LARGE1: variants seen among roughly 807,000 people sequenced by gnomAD.
LARGE1 encodes the protein LARGE xylosyl- and glucuronyltransferase 1, also known as xylosyl- and glucuronyltransferase LARGE1.
Under a neutral mutation model 87.6 loss-of-function variants are expected in LARGE1, and 43 were observed. The ratio of observed to expected loss-of-function variants is 0.49; its 90% confidence interval spans 0.38 to 0.63. The LOEUF is 0.63. LARGE1 is among the 30% of genes least tolerant of loss of function. LARGE1 has a pLI of 0.00. For synonymous variants in LARGE1, 434 were observed against 394.6 expected (o/e 1.10, Z -1.18); for missense variants, 802 against 1,000.2 (o/e 0.80, Z 2.67).
intron 6 of LARGE1, among the ~76,000 whole-genome samples, chr22:33,513,831 A>G (rs1459025659): frequency 6.6e-6 from 1 of 151,800 alleles, no homozygotes; most frequent in African/African-American, 2.4e-5. Flanking sequence ...ACACACACAC[A>G]CACACACACA....
At chr22:33,848,898 G>A (rs4334577) in intron 1 of LARGE1, among the ~76,000 whole-genome samples, 8 of 152,002 alleles carry the variant, frequency 5.3e-5, no homozygotes, top group Admixed American at 2.0e-4. Context: ...TTAAAGAATC[G>A]AAAAGGCTAA....
intron 10 of LARGE1, among the ~76,000 whole-genome samples, chr22:33,319,044 T>A (rs1402941256): frequency 6.6e-6 from 1 of 152,194 alleles, no homozygotes; most frequent in Non-Finnish European, 1.5e-5. Flanking sequence ...TCAAGATGTG[T>A]GCTATGGAAG....
chr22:33,382,722 A>G (rs779792534), intron 8 of LARGE1, among the ~76,000 whole-genome samples: 3 of 152,192 alleles, frequency 2.0e-5, no homozygotes, highest in Non-Finnish European at 4.4e-5. Context: ...CCTTCGTGGC[A>G]GAAGATGGCT....
chr22:33,783,653 G>C (rs2085504286), intron 1 of LARGE1, among the ~76,000 whole-genome samples: 1 of 152,198 alleles, frequency 6.6e-6, no homozygotes, highest in Non-Finnish European at 1.5e-5. Context: ...GCAGTGTTTT[G>C]TTGTTATTGT....
intron 1 of LARGE1, among the ~76,000 whole-genome samples, chr22:33,886,020 A>G (rs1215094583): frequency 6.6e-6 from 1 of 151,114 alleles, no homozygotes; most frequent in East Asian, 1.9e-4. Flanking sequence ...ACAGAGTGAG[A>G]CTCTGGTCAA....
the LARGE1 span, among the ~76,000 whole-genome samples, chr22:33,151,940 A>C: frequency 2.1e-5 from 2 of 97,212 alleles, no homozygotes; most frequent in Non-Finnish European, 4.0e-5. Context: ...TGTTGGCCTC[A>C]AAAAAAAAAA....
intron 11 of LARGE1, among the ~76,000 whole-genome samples, chr22:33,177,218 T>C (rs549402742): frequency 3.9e-5 from 6 of 152,266 alleles, no homozygotes; most frequent in African/African-American, 1.2e-4. Flanking sequence ...GATGGGTTGA[T>C]GGGTGCAGCA....
At chr22:33,749,708 C>A (rs2084239795) in intron 2 of LARGE1, among the ~76,000 whole-genome samples, 1 of 152,194 alleles carries the variant, frequency 6.6e-6, no homozygotes, top group Non-Finnish European at 1.5e-5. Context: ...AAAGGATTAA[C>A]TGAATTTTTT....
intron 12 of LARGE1, 22 bp downstream of exon 12, chr22:33,304,207 C>T (rs1186442315): frequency 6.8e-6 from 11 of 1,613,646 alleles, no homozygotes; most frequent in South Asian, 1.1e-5. Flanking sequence ...GGCCTGATGG[C>T]CAGGCCCCTG....
chr22:33,460,177 C>T (rs192310310), intron 6 of LARGE1, among the ~76,000 whole-genome samples: 18 of 152,326 alleles, frequency 1.2e-4, no homozygotes, highest in African/African-American at 4.1e-4. Context: ...TCTATAAAGC[C>T]TTCCTCGGTT....
At chr22:33,571,685 A>G (rs927296016) in intron 5 of LARGE1, among the ~76,000 whole-genome samples, 2 of 152,080 alleles carry the variant, frequency 1.3e-5, no homozygotes, top group Admixed American at 6.6e-5. Flanking sequence ...AGACCTTTAT[A>G]TGGGCTGACC....
intron 6 of LARGE1, among the ~76,000 whole-genome samples, chr22:33,444,672 G>T (rs1409349576): frequency 6.6e-6 from 1 of 152,148 alleles, no homozygotes; most frequent in African/African-American, 2.4e-5. Context: ...GGCATCATTT[G>T]GTATAAGGTT....
Position 33,360,656 on chromosome 22 carries a change from G to A in LARGE1, c.1131+21263C>T, listed in dbSNP as rs1176395535. ...AGCAGGCCCCACTTCCAGCACTGGGGATTACACTTCAACATGAGATTTGGA... is the reference window on the plus strand; with the variant it reads ...AGCAGGCCCCACTTCCAGCACTGGGAATTACACTTCAACATGAGATTTGGA... On this transcript the variant is annotated intron_variant, in intron 9 of 14. Transcript: ENST00000397394. Among the ~76,000 whole-genome samples the A allele has an allele frequency of 4.0e-5, 6 of 149,678 alleles. 1 individual carries two copies. Among genetic ancestry groups the A allele is most frequent in the Non-Finnish European group, 8.9e-5 (6 of 67,120 alleles).
intron 5 of LARGE1, among the ~76,000 whole-genome samples, chr22:33,601,677 T>C (rs892512406): frequency 2.6e-5 from 4 of 152,140 alleles, no homozygotes; most frequent in African/African-American, 4.8e-5. Flanking sequence ...AGGTGGTTAA[T>C]TGGTAGGGGA....
chr22:33,629,230 G>A (rs2080026683), intron 3 of LARGE1, among the ~76,000 whole-genome samples: 1 of 152,158 alleles, frequency 6.6e-6, no homozygotes, highest in Non-Finnish European at 1.5e-5. Context: ...GAAAACGCCT[G>A]CACATGGAAG....
chr22:33,387,651 T>C (rs141196359), intron 7 of LARGE1, among the ~76,000 whole-genome samples: 1 of 152,214 alleles, frequency 6.6e-6, no homozygotes, highest in Non-Finnish European at 1.5e-5. Context: ...CTGATGCTTT[T>C]AAATGGTGTG....
At chr22:33,486,756 T>C (rs1373751881) in intron 6 of LARGE1, among the ~76,000 whole-genome samples, 1 of 152,214 alleles carries the variant, frequency 6.6e-6, no homozygotes, top group Non-Finnish European at 1.5e-5. Context: ...GTCATCTTCA[T>C]TGACTCCTGG....
intron 1 of LARGE1, among the ~76,000 whole-genome samples, chr22:33,795,858 G>A (rs1256276420): frequency 6.6e-6 from 1 of 152,062 alleles, no homozygotes; most frequent in Non-Finnish European, 1.5e-5. Flanking sequence ...GTGGGGTGGG[G>A]GGAGGTGGGA....
chr22:33,518,376 T>C (rs1184694601), intron 6 of LARGE1, among the ~76,000 whole-genome samples: 2 of 152,222 alleles, frequency 1.3e-5, no homozygotes, highest in Non-Finnish European at 2.9e-5. Flanking sequence ...TGGAGTGCAG[T>C]GACACCATCT....
Sources: gnomAD v4.1 joint callset for allele counts (sites outside exome capture counted in the v4.1 genomes callset) on GRCh38, gnomAD v4.1.1 for gene constraint, MANE v1.5 for transcripts, NCBI Gene and HGNC (gene_info 2026-07-23, HGNC 2026-07-21) for gene names.